CDH23: variants seen among roughly 807,000 people sequenced by gnomAD.
CDH23 encodes the protein cadherin-23.
Under a neutral mutation model 317.1 loss-of-function variants are expected in CDH23, and 189 were observed. The observed-to-expected ratio is 0.60, with a 90% CI of 0.53 to 0.67. CDH23 has a LOEUF of 0.67. Among genes scored for constraint, CDH23 ranks in the 30% least tolerant of loss-of-function variants. The pLI, the probability that CDH23 is intolerant of heterozygous loss-of-function variation, is 0.00. For synonymous variants in CDH23, 1,839 were observed against 1,876.8 expected (o/e 0.98, Z 0.52); for missense variants, 4,401 against 4,592.4 (o/e 0.96, Z 1.20).
chr10:71,813,016 AGGGCTGATGGG>A (rs1841994722), intron 68 of CDH23, 126 bp downstream of exon 68: 1 of 1,449,392 alleles, frequency 6.9e-7, no homozygotes, highest in South Asian at 1.3e-5. Context: ...CGAGAACACC[AGGGCTGATGGG>A]GGGCTACTCC....
At chr10:71,725,308 G>A (rs1866756533) in intron 29 of CDH23, 64 bp from the exon 30 acceptor site, 1 of 1,610,708 alleles carries the variant, frequency 6.2e-7, no homozygotes, top group Non-Finnish European at 8.5e-7. Context: ...AACCATGGCA[G>A]GCCAGCACAG....
At chr10:71,537,975 T>C (rs544828624) in intron 6 of CDH23, among the ~76,000 whole-genome samples, 3 of 152,318 alleles carry the variant, frequency 2.0e-5, no homozygotes, top group South Asian at 4.1e-4. Context: ...TAGGGAGCCC[T>C]GCACAGAGTA....
Position 71,767,675 on chromosome 10 carries a change from G to A in CDH23, c.4846-10005G>A, listed in dbSNP as rs117550592. ...GGCTGCCAAGGCTAAGAAAGGAAGCGTCACAAGGCATAGGCTCAGGGCCTG... is the reference window on the plus strand; with the variant it reads ...GGCTGCCAAGGCTAAGAAAGGAAGCATCACAAGGCATAGGCTCAGGGCCTG... On this transcript the variant is annotated intron_variant, in intron 38 of 69. Coordinates refer to ENST00000224721, the MANE Select transcript of CDH23 (RefSeq NM_022124.6). Among the ~76,000 whole-genome samples the A allele has an allele frequency of 1.4e-4, 22 of 152,374 alleles. No homozygotes were observed. In the East Asian group the frequency reaches 4.2e-3, roughly 29 times the overall value.
At chr10:71,403,350 T>G (rs60861201) in intron 1 of CDH23, among the ~76,000 whole-genome samples, 2 of 88,124 alleles carry the variant, frequency 2.3e-5, no homozygotes, top group African/African-American at 1.1e-4. Context: ...TTTCTTTCTT[T>G]CTTTCTTTCT....
chr10:71,483,762 G>A (rs1852194821), intron 3 of CDH23, among the ~76,000 whole-genome samples: 1 of 152,188 alleles, frequency 6.6e-6, no homozygotes, highest in African/African-American at 2.4e-5. Context: ...GGGAACTGAG[G>A]CATAGAGAGT....
At chr10:71,658,505 TCA>T (rs1445871908) in intron 14 of CDH23, among the ~76,000 whole-genome samples, 1 of 152,242 alleles carries the variant, frequency 6.6e-6, no homozygotes, top group African/African-American at 2.4e-5. Flanking sequence ...ACAGCCTCTG[TCA>T]CCAGCACTTC....
intron 38 of CDH23, among the ~76,000 whole-genome samples, chr10:71,774,835 G>A (rs1395362202): frequency 6.6e-6 from 1 of 152,186 alleles, no homozygotes; most frequent in African/African-American, 2.4e-5. Flanking sequence ...ACTGGGTCAG[G>A]AACCAGGGTA....
intron 32 of CDH23, 93 bp downstream of exon 32, chr10:71,732,468 T>C (rs1021367507): frequency 2.0e-6 from 3 of 1,511,464 alleles, no homozygotes; most frequent in Non-Finnish European, 1.8e-6. Context: ...CTCTTTGTCA[T>C]AAAATGTCCT....
At chr10:71,424,151 G>C (rs1376889338) in intron 1 of CDH23, among the ~76,000 whole-genome samples, 2 of 152,236 alleles carry the variant, frequency 1.3e-5, no homozygotes, top group Non-Finnish European at 2.9e-5. Context: ...CGTAGGTGCT[G>C]CCTCCGTCAG....
chr10:71,799,471 T>A (rs1403722367), intron 51 of CDH23, 21 bp from the exon 52 acceptor site: 6 of 1,613,728 alleles, frequency 3.7e-6, no homozygotes, highest in Non-Finnish European at 5.1e-6. Context: ...CTACTCTCTC[T>A]CCCTGCCCCC....
At chr10:71,667,107 A>G (rs1863933503) in intron 14 of CDH23, among the ~76,000 whole-genome samples, 1 of 152,242 alleles carries the variant, frequency 6.6e-6, no homozygotes, top group Non-Finnish European at 1.5e-5. Flanking sequence ...GCTGGGACCC[A>G]GGGCTGCTGC....
chr10:71,807,187 T>A (rs1841756442), intron 57 of CDH23, 90 bp from the exon 58 acceptor site: 8 of 1,513,240 alleles, frequency 5.3e-6, no homozygotes, highest in Non-Finnish European at 7.2e-6. Flanking sequence ...CCTCAGCACC[T>A]ACAAAGTCAC....
chr10:71,525,098 G>GGCT (rs1854956150), intron 6 of CDH23, among the ~76,000 whole-genome samples: 1 of 151,982 alleles, frequency 6.6e-6, no homozygotes. Flanking sequence ...AGTAGAGACT[G>GGCT]GGTTTCACCA....
intron 2 of CDH23, among the ~76,000 whole-genome samples, chr10:71,442,099 T>C (rs1589313097): frequency 6.6e-6 from 1 of 152,268 alleles, no homozygotes; most frequent in African/African-American, 2.4e-5. Context: ...TGTTGGCTCC[T>C]TTATTATCAG....
intron 3 of CDH23, among the ~76,000 whole-genome samples, chr10:71,460,603 G>T (rs973497854): frequency 6.6e-6 from 1 of 152,202 alleles, no homozygotes; most frequent in Non-Finnish European, 1.5e-5. Context: ...CAGGCCTGAC[G>T]GGCCAGGAGC....
At chr10:71,410,126 A>G (rs1173783844) in intron 1 of CDH23, among the ~76,000 whole-genome samples, 1 of 152,268 alleles carries the variant, frequency 6.6e-6, no homozygotes, top group South Asian at 2.1e-4. Context: ...AATGAGAATA[A>G]TAGTACCCAA....
chr10:71,557,031 C>G (rs1301480302), intron 6 of CDH23, among the ~76,000 whole-genome samples: 3 of 152,200 alleles, frequency 2.0e-5, no homozygotes, highest in African/African-American at 7.2e-5. Context: ...ATAACTTTCA[C>G]TATGTCCTAC....
intron 46 of CDH23, 198 bp downstream of exon 46, chr10:71,790,611 G>GGA: frequency 1.5e-6 from 1 of 673,718 alleles, no homozygotes; most frequent in Non-Finnish European, 2.4e-6. Flanking sequence ...GAAGAGGCTT[G>GGA]GAGACGATAC....
Position 71,813,322 on chromosome 10 carries a change from T to G in CDH23, c.9712T>G (p.Ser3238Ala). 2 of 1,551,492 alleles carry G rather than the reference T, an allele frequency of 1.3e-6. No individual in the cohort carries two copies. The highest frequency in any genetic ancestry group is 1.7e-6 in the Non-Finnish European group (2 of 1,146,950). ...TGCACAGCGGATGGTGCAAAAAGCCTCCTCCTGCCACTCCTCCATCTCTGA... is the reference window on the plus strand; with the variant it reads ...TGCACAGCGGATGGTGCAAAAAGCCGCCTCCTGCCACTCCTCCATCTCTGA... ...LFAQRMVQKA[S>A]SCHSSISELI... The change falls in exon 69 of 70, where the codon TCC (serine) becomes GCC (alanine). Residue 3238 changes from serine to alanine, a missense_variant. Transcript: ENST00000224721.
Sources: allele counts gnomAD v4.1 joint callset (sites outside exome capture counted in the v4.1 genomes callset), GRCh38; gene constraint gnomAD v4.1.1; transcripts MANE v1.5; gene names NCBI Gene and HGNC (gene_info 2026-07-23, HGNC 2026-07-21).